The following MAP6 variants were observed in gnomAD, a reference collection of about 807,000 sequenced individuals.
MAP6 encodes microtubule-associated protein 6.
MAP6 carries 26 observed loss-of-function variants against 42.4 expected under a neutral mutation model. The ratio of observed to expected loss-of-function variants is 0.61; its 90% CI spans 0.45 to 0.85. MAP6 has a LOEUF of 0.85. Among genes scored for constraint, MAP6 ranks in the 40% least tolerant of loss-of-function variants. MAP6 has a pLI of 0.00. For synonymous variants in MAP6, 418 were observed against 443.8 expected (o/e 0.94, Z 0.73); for missense variants, 966 against 1,099.0 (o/e 0.88, Z 1.71).
At chr11:75,607,231 G>A (rs1469098044) in intron 2 of MAP6, 1 of 985,220 alleles carries the variant, frequency 1.0e-6, no homozygotes, top group Non-Finnish European at 1.2e-6. Flanking sequence ...ACTGGTCCTG[G>A]GCCAAATAGG....
In MAP6 at chr11:75,587,704, G is replaced by A. The variant is rs751615544; in HGVS notation, c.1797C>T (p.Val599=). 6.2e-7 allele frequency: 1 copy of A among 1,613,500 alleles called. No homozygotes were observed. The highest frequency in any genetic ancestry group is 1.1e-5 in the South Asian group (1 of 90,936). Residue 599 remains valine (V), a synonymous_variant, in exon 4 of 4, where the codon GTC becomes GTT. Coordinates refer to ENST00000304771, the MANE Select transcript of MAP6 (RefSeq NM_033063.2). The stretch of plus-strand genomic sequence containing the variant: ...GACCTTGATCCTTGACAGGTGCTGA[G>A]ACCATGGGACCTTGATCCTTGACAG... ...SASVKDQGPM[V]SAPVKDQGPI... is the part of the protein sequence containing the mutation.
intron 1 of MAP6, among the ~76,000 whole-genome samples, chr11:75,616,349 A>G (rs1338574543): frequency 6.6e-6 from 1 of 152,222 alleles, no homozygotes; most frequent in Admixed American, 6.5e-5. Flanking sequence ...CTGCTTTACA[A>G]AGGAAGAAGA....
chr11:75,587,142 G>T lies in MAP6; in HGVS notation c.2359C>A (p.Pro787Thr), dbSNP rs747792853. 14 of 1,613,670 alleles carry T rather than the reference G, an allele frequency of 8.7e-6. No homozygotes were observed. The highest frequency in any genetic ancestry group is 1.2e-5 in the Non-Finnish European group (14 of 1,179,788). Residue 787 changes from proline to threonine, a missense_variant, in exon 4 of 4, where the codon CCT becomes ACT. By Grantham distance (38) the Pro-to-Thr change is conservative. Coordinates refer to ENST00000304771, the MANE Select transcript of MAP6 (RefSeq NM_033063.2). ...AGAGGTGAGACAGTAGGTAGCTGAG[G>T]GTCCCTGGGACCTTGAGTCTTCAGA... ...EPLKTQGPRD[P>T]QLPTVSPLPR... is the part of the protein sequence containing the mutation.
intron 1 of MAP6, among the ~76,000 whole-genome samples, chr11:75,657,483 G>C (rs941374376): frequency 6.6e-6 from 1 of 152,126 alleles, no homozygotes; most frequent in African/African-American, 2.4e-5. Context: ...GTAGTGCATC[G>C]AGGCCAGGGA....
chr11:75,648,762 G>T (rs1943602874), intron 1 of MAP6, among the ~76,000 whole-genome samples: 1 of 152,118 alleles, frequency 6.6e-6, no homozygotes. Context: ...ACCTGAATAG[G>T]ACAATGGGAA....
chr11:75,647,754 C>G (rs1332957091), intron 1 of MAP6, among the ~76,000 whole-genome samples: 1 of 152,128 alleles, frequency 6.6e-6, no homozygotes, highest in Non-Finnish European at 1.5e-5. Context: ...TAAATTTAAC[C>G]TGAGGCCAAT....
intron 3 of MAP6, 60 bp from the exon 4 acceptor site, chr11:75,588,244 G>A (rs1942402627): frequency 1.4e-6 from 2 of 1,476,424 alleles, no homozygotes; most frequent in Non-Finnish European, 1.8e-6. Flanking sequence ...ACAGGGCAGA[G>A]TACAGATTGC....
intron 1 of MAP6, among the ~76,000 whole-genome samples, chr11:75,652,417 C>T (rs1211428780): frequency 6.6e-6 from 1 of 152,198 alleles, no homozygotes; most frequent in Non-Finnish European, 1.5e-5. Flanking sequence ...CCCTTGCTGC[C>T]TGCCTGATTG....
In MAP6 at chr11:75,607,164, A is replaced by C. The variant is rs962641031; in HGVS notation, c.1119+945T>G. 7.7e-6 allele frequency: 7 copies of C among 908,036 alleles called. No individual in the cohort carries two copies. The African/African-American group carries it at 1.3e-4, about 16-fold the overall frequency. 56.2% of individuals were successfully genotyped at this position (908,036 alleles called of 1,614,324 possible). A position where few individuals can be genotyped will look rare whatever the true frequency, so the allele number is the denominator to read the frequency against. ...AGGTTTCCTGGAACACAGAACTTTC[A>C]GTGCTAAAATGGAAGAATCCCAGGC... On this transcript the variant is annotated intron_variant, in intron 2 of 3. Coordinates refer to ENST00000304771, the MANE Select transcript of MAP6 (RefSeq NM_033063.2).
intron 1 of MAP6, among the ~76,000 whole-genome samples, chr11:75,663,332 T>C (rs940540180): frequency 1.3e-5 from 2 of 152,166 alleles, no homozygotes; most frequent in Non-Finnish European, 2.9e-5. Context: ...ACATTAAAAT[T>C]ATGACTCATT....
intron 1 of MAP6, among the ~76,000 whole-genome samples, chr11:75,661,897 C>T (rs1334872757): frequency 1.3e-5 from 2 of 152,090 alleles, no homozygotes; most frequent in African/African-American, 4.8e-5. Context: ...TAAAAACATA[C>T]ATTATCTCCA....
intron 1 of MAP6, among the ~76,000 whole-genome samples, chr11:75,661,833 CA>C (rs144951561): frequency 0.052 from 7,848 of 151,782 alleles, 254 homozygotes; most frequent in East Asian, 0.14. Flanking sequence ...GCAACACACA[CA>C]AAAAAACAAG....
At position 75,648,139 on chromosome 11, in the gene MAP6, C is replaced by T. The variant is rs1943592549; in HGVS notation, c.905+19326G>A. 1.3e-5 allele frequency among the ~76,000 whole-genome samples: 2 copies of T among 152,180 alleles called. 1 individual carries two copies. The highest frequency in any genetic ancestry group is 4.1e-4 in the South Asian group (2 of 4,830). ...ACAGGAAATTGTACTCTATCTCACA[C>T]TATACACAAAATTGAACTCCAGATG... On this transcript the variant is annotated intron_variant, in intron 1 of 3. Transcript: ENST00000304771.
intron 1 of MAP6, among the ~76,000 whole-genome samples, chr11:75,617,514 C>CAAAAAAAAAAAAAAAAAAAAAAAAA (rs61477947): frequency 3.6e-5 from 1 of 28,154 alleles, no homozygotes; most frequent in Non-Finnish European, 7.8e-5. Flanking sequence ...AGACTGTCTC[C>CAAAAAAAAAAAAAAAAAAAAAAAAA]AAAAAAAAAA....
chr11:75,634,426 G>A (rs1161166978), intron 1 of MAP6, among the ~76,000 whole-genome samples: 1 of 152,134 alleles, frequency 6.6e-6, no homozygotes, highest in African/African-American at 2.4e-5. Flanking sequence ...GCAGGCATGT[G>A]CCACCACATC....
intron 1 of MAP6, among the ~76,000 whole-genome samples, chr11:75,664,230 T>G (rs997456319): frequency 2.3e-4 from 35 of 152,352 alleles, no homozygotes; most frequent in Middle Eastern, 3.4e-3. Flanking sequence ...ATCAAACTCA[T>G]GTTTGTGAAT....
At chr11:75,617,447 C>T (rs1006401760) in intron 1 of MAP6, among the ~76,000 whole-genome samples, 1 of 121,882 alleles carries the variant, frequency 8.2e-6, no homozygotes, top group Non-Finnish European at 1.6e-5. Flanking sequence ...ACCTGGGAGG[C>T]GGAGGTTACA....
intron 1 of MAP6, among the ~76,000 whole-genome samples, chr11:75,620,114 G>C (rs756408113): frequency 1.3e-5 from 2 of 152,088 alleles, no homozygotes; most frequent in African/African-American, 2.4e-5. Context: ...GGCTTCACTG[G>C]TGAATTCTAT....
intron 1 of MAP6, among the ~76,000 whole-genome samples, chr11:75,661,362 G>C (rs1241980112): frequency 3.3e-5 from 5 of 152,024 alleles, no homozygotes; most frequent in Non-Finnish European, 7.4e-5. Flanking sequence ...GTATAACCTT[G>C]ATTCCAACAG....
Sources: allele counts gnomAD v4.1 joint callset (sites outside exome capture counted in the v4.1 genomes callset), GRCh38; gene constraint gnomAD v4.1.1; transcripts MANE v1.5; gene names NCBI Gene and HGNC (gene_info 2026-07-23, HGNC 2026-07-21).